The following ARHGAP6 variants were observed in gnomAD, a reference collection of about 807,000 sequenced individuals.
ARHGAP6 encodes the protein rho GTPase-activating protein 6.
In ARHGAP6, 16 loss-of-function variants were observed where a neutral mutation model predicts 55.7. That is an observed-to-expected ratio of 0.29 (90% CI 0.19 to 0.44). ARHGAP6 has a LOEUF of 0.44. Among genes scored for constraint, ARHGAP6 ranks in the 20% least tolerant of loss-of-function variants. The pLI is 1.00. For synonymous variants in ARHGAP6, 382 were observed against 360.9 expected, an observed-to-expected ratio of 1.06 and a Z score of -0.66; for missense variants, 698 against 808.9, an observed-to-expected ratio of 0.86 and a Z score of 1.66.
intron 1 of ARHGAP6, among the ~76,000 whole-genome samples, chrX:11,392,158 C>A (rs1403009870): frequency 1.8e-5 from 2 of 112,061 alleles, no homozygotes; most frequent in Non-Finnish European, 3.8e-5. Flanking sequence ...CATTGTAGAC[C>A]AAAGGAAGCT....
At chrX:11,499,961 G>A (rs752350113) in intron 1 of ARHGAP6, among the ~76,000 whole-genome samples, 69 of 112,313 alleles carry the variant, frequency 6.1e-4, no homozygotes, top group Non-Finnish European at 9.2e-4. Flanking sequence ...CTCAAAGACT[G>A]ATTCAGATAC....
At chrX:11,381,154 T>C (rs775247925) in intron 1 of ARHGAP6, among the ~76,000 whole-genome samples, 28 of 112,686 alleles carry the variant, frequency 2.5e-4, no homozygotes, top group Non-Finnish European at 4.5e-4. Flanking sequence ...TCAAAAAATC[T>C]TTCTATGAGG....
chrX:11,367,069 T>G (rs760975698), intron 1 of ARHGAP6, among the ~76,000 whole-genome samples: 1 of 111,519 alleles, frequency 9.0e-6, no homozygotes, highest in Non-Finnish European at 1.9e-5. Flanking sequence ...AAAAAACAGC[T>G]GGATTCAGAG....
At chrX:11,227,132 C>T (rs1056321473) in intron 2 of ARHGAP6, among the ~76,000 whole-genome samples, 2 of 111,609 alleles carry the variant, frequency 1.8e-5, no homozygotes, top group East Asian at 2.8e-4. Flanking sequence ...CTAGGAAAAG[C>T]GTTTGAAAAT....
At chrX:11,406,628 G>A (rs762218676) in intron 1 of ARHGAP6, among the ~76,000 whole-genome samples, 8 of 111,485 alleles carry the variant, frequency 7.2e-5, no homozygotes, top group Non-Finnish European at 1.3e-4. Flanking sequence ...GTTGGCCATC[G>A]TGGTTACTCC....
chrX:11,308,327 C>T (rs1286699261), intron 1 of ARHGAP6, among the ~76,000 whole-genome samples: 1 of 111,396 alleles, frequency 9.0e-6, no homozygotes, highest in East Asian at 2.8e-4. Context: ...TTTTAAGGTT[C>T]TTTCTATGAA....
intron 1 of ARHGAP6, chrX:11,290,457 T>C (rs1480503533): frequency 2.2e-5 from 8 of 357,209 alleles, no homozygotes; most frequent in Non-Finnish European, 4.4e-5. Context: ...GTGCCTAAGA[T>C]CTGAAGATCA....
intron 8 of ARHGAP6, among the ~76,000 whole-genome samples, chrX:11,175,144 T>G (rs1037300368): frequency 2.7e-5 from 3 of 111,600 alleles, no homozygotes; most frequent in Non-Finnish European, 5.6e-5. Context: ...CTTCCAAGGA[T>G]TCACAGCTTA....
intron 1 of ARHGAP6, among the ~76,000 whole-genome samples, chrX:11,374,757 C>G (rs908377338): frequency 8.9e-6 from 1 of 112,224 alleles, no homozygotes; most frequent in African/African-American, 3.2e-5. Context: ...GTCTGACTAT[C>G]TAAATTGACT....
At chrX:11,481,529 G>C (rs761301099) in intron 1 of ARHGAP6, among the ~76,000 whole-genome samples, 1 of 112,492 alleles carries the variant, frequency 8.9e-6, no homozygotes. Flanking sequence ...TGAAGGATAC[G>C]ATGAGTGCAC....
chrX:11,470,397 C>T (rs943292800), intron 1 of ARHGAP6, among the ~76,000 whole-genome samples: 4 of 111,767 alleles, frequency 3.6e-5, no homozygotes, highest in Non-Finnish European at 7.5e-5. Flanking sequence ...GTACAGTTTC[C>T]AAGAGCCCAA....
intron 2 of ARHGAP6, among the ~76,000 whole-genome samples, chrX:11,202,137 T>C (rs1569253574): frequency 9.1e-6 from 1 of 109,525 alleles, no homozygotes; most frequent in East Asian, 2.9e-4. Context: ...AGCAGAGAAG[T>C]TGACTGAGTT....
intron 1 of ARHGAP6, among the ~76,000 whole-genome samples, chrX:11,287,709 G>A (rs748387133): frequency 1.8e-5 from 2 of 111,826 alleles, no homozygotes; most frequent in African/African-American, 3.3e-5. Context: ...GCCCATTCCC[G>A]TTTCTCTTTC....
At chrX:11,482,849 C>T (rs947817116) in intron 1 of ARHGAP6, among the ~76,000 whole-genome samples, 3 of 111,294 alleles carry the variant, frequency 2.7e-5, no homozygotes, top group Non-Finnish European at 3.8e-5. Flanking sequence ...GGGGTAATCC[C>T]GATGGGGAAC....
chrX:11,178,402 A>G (rs2046264242), intron 7 of ARHGAP6, among the ~76,000 whole-genome samples, 154 bp from the exon 8 acceptor site: 1 of 111,084 alleles, frequency 9.0e-6, no homozygotes, highest in Admixed American at 9.6e-5. Flanking sequence ...TTAGCAATTT[A>G]CCAGCAAGAT....
At chrX:11,462,058 C>T (rs147661053) in intron 1 of ARHGAP6, among the ~76,000 whole-genome samples, 1 of 112,067 alleles carries the variant, frequency 8.9e-6, no homozygotes, top group East Asian at 2.8e-4. Context: ...TAATTTAGAG[C>T]GAGGATATTT....
chrX:11,501,626 T>C (rs2050679126), intron 1 of ARHGAP6, among the ~76,000 whole-genome samples: 2 of 112,156 alleles, frequency 1.8e-5, no homozygotes, highest in African/African-American at 6.5e-5. Flanking sequence ...GGCCTGCTAT[T>C]GACCAGAAGC....
At chrX:11,628,369 C>T (rs991168038) in intron 1 of ARHGAP6, among the ~76,000 whole-genome samples, 2 of 112,375 alleles carry the variant, frequency 1.8e-5, no homozygotes, top group Non-Finnish European at 3.8e-5. Context: ...ACTTTTCCCC[C>T]AACATCATCT....
At chrX:11,379,769 T>A (rs111332879) in intron 1 of ARHGAP6, among the ~76,000 whole-genome samples, 6,408 of 110,323 alleles carry the variant, frequency 0.058, 204 homozygotes, top group African/African-American at 0.12. Flanking sequence ...TCTGAGATCA[T>A]CCTCTGGCCA....
Sources: allele counts gnomAD v4.1 joint callset (sites outside exome capture counted in the v4.1 genomes callset), GRCh38; gene constraint gnomAD v4.1.1; transcripts MANE v1.5; gene names NCBI Gene and HGNC (gene_info 2026-07-23, HGNC 2026-07-21).